DAB1: variants seen among roughly 807,000 people sequenced by gnomAD.
DAB1 encodes the protein DAB adaptor protein 1, also known as disabled homolog 1.
A neutral mutation model predicts 64.6 loss-of-function variants in DAB1; 15 were observed. That is an observed-to-expected ratio of 0.23 (90% CI 0.16 to 0.36). The LOEUF is 0.36. DAB1 is among the 10% of genes least tolerant of loss of function. DAB1 has a pLI of 1.00. For missense variants in DAB1, 596 were observed against 706.7 expected (o/e 0.84, Z 1.78); for synonymous variants, 235 against 251.9 (o/e 0.93, Z 0.64).
At chr1:58,483,490 T>C (rs1285331976) in intron 3 of DAB1, among the ~76,000 whole-genome samples, 1 of 152,016 alleles carries the variant, frequency 6.6e-6, no homozygotes, top group Non-Finnish European at 1.5e-5. Context: ...AGCTGGAGAG[T>C]TGAAAAAACA....
At chr1:57,238,841 GCA>G (rs373675306) in intron 2 of DAB1, among the ~76,000 whole-genome samples, 16,529 of 137,884 alleles carry the variant, frequency 0.12, 1,170 homozygotes, top group African/African-American at 0.21. Context: ...GTGCACATGC[GCA>G]CACACACACA....
At chr1:57,633,012 A>C (rs183009736) in intron 7 of DAB1, among the ~76,000 whole-genome samples, 1 of 152,366 alleles carries the variant, frequency 6.6e-6, no homozygotes, top group Admixed American at 6.5e-5. Flanking sequence ...TTTCTAAAGC[A>C]GACAGTAAGT....
At chr1:57,439,507 C>A (rs1685850914) in intron 7 of DAB1, among the ~76,000 whole-genome samples, 3 of 145,638 alleles carry the variant, frequency 2.1e-5, no homozygotes, top group Admixed American at 1.4e-4. Flanking sequence ...AGGCTCACTG[C>A]AAGCTCCACC....
chr1:58,089,503 A>T (rs1014472151), intron 5 of DAB1, among the ~76,000 whole-genome samples: 1 of 152,250 alleles, frequency 6.6e-6, no homozygotes, highest in Non-Finnish European at 1.5e-5. Flanking sequence ...TGGACCCTCA[A>T]TAAAAAGGTT....
chr1:57,934,249 G>A (rs927024979), intron 5 of DAB1, among the ~76,000 whole-genome samples: 39 of 152,064 alleles, frequency 2.6e-4, no homozygotes, highest in Admixed American at 7.9e-4. Context: ...TTAGCCATTT[G>A]GTGGGGAGAG....
intron 7 of DAB1, among the ~76,000 whole-genome samples, chr1:57,592,452 A>T (rs1645456802): frequency 6.6e-6 from 1 of 152,280 alleles, no homozygotes; most frequent in African/African-American, 2.4e-5. Context: ...AAAAAATGGA[A>T]ATATTATTCC....
intron 6 of DAB1, among the ~76,000 whole-genome samples, chr1:57,723,300 C>T (rs1570769089): frequency 1.3e-5 from 2 of 152,322 alleles, no homozygotes; most frequent in African/African-American, 4.8e-5. Context: ...TGAATACATG[C>T]TCAACAAATG....
chr1:57,502,156 TG>T (rs1644296317), intron 7 of DAB1, among the ~76,000 whole-genome samples: 2 of 151,364 alleles, frequency 1.3e-5, no homozygotes, highest in South Asian at 4.2e-4. Context: ...CCGTCTCTAC[TG>T]AAAAATACAA....
At chr1:57,106,616 C>A (rs1236961181) in intron 4 of DAB1, among the ~76,000 whole-genome samples, 1 of 152,160 alleles carries the variant, frequency 6.6e-6, no homozygotes, top group Non-Finnish European at 1.5e-5. Context: ...TCATATATCA[C>A]AAGGCCTTCA....
chr1:57,474,725 T>C (rs769135072), intron 7 of DAB1, among the ~76,000 whole-genome samples: 7 of 152,200 alleles, frequency 4.6e-5, no homozygotes, highest in African/African-American at 1.7e-4. Context: ...TTACAAAATA[T>C]TAGTTTTTAT....
chr1:57,453,340 G>A (rs891293335), intron 7 of DAB1, among the ~76,000 whole-genome samples: 2 of 152,138 alleles, frequency 1.3e-5, no homozygotes, highest in Admixed American at 6.5e-5. Flanking sequence ...CTGCTGAAGT[G>A]CTTTTAAATA....
intron 5 of DAB1, among the ~76,000 whole-genome samples, chr1:58,150,181 AG>A (rs1398105818): frequency 6.6e-6 from 1 of 152,226 alleles, no homozygotes; most frequent in Non-Finnish European, 1.5e-5. Context: ...CTTAATAGCC[AG>A]GAAGTTGCAG....
intron 4 of DAB1, among the ~76,000 whole-genome samples, chr1:58,256,002 C>T (rs1411405304): frequency 6.6e-6 from 1 of 152,186 alleles, no homozygotes; most frequent in Non-Finnish European, 1.5e-5. Flanking sequence ...GCCCCAGTGC[C>T]TGCGCTCTTT....
chr1:57,421,893 G>A (rs1349626122), intron 1 of DAB1, among the ~76,000 whole-genome samples: 2 of 119,592 alleles, frequency 1.7e-5, no homozygotes, highest in Non-Finnish European at 3.7e-5. Context: ...TGAAAGAGAT[G>A]GGGGGTGGCG....
intron 6 of DAB1, among the ~76,000 whole-genome samples, chr1:57,673,058 T>C (rs1037634961): frequency 2.0e-5 from 3 of 152,110 alleles, no homozygotes; most frequent in Admixed American, 6.6e-5. Context: ...TTATAAACAA[T>C]AGAAATTTAT....
At chr1:57,721,138 C>G (rs1327619954) in intron 6 of DAB1, among the ~76,000 whole-genome samples, 2 of 152,178 alleles carry the variant, frequency 1.3e-5, no homozygotes, top group African/African-American at 4.8e-5. Context: ...CTTCCTCAAG[C>G]AACTCCATCT....
intron 5 of DAB1, among the ~76,000 whole-genome samples, chr1:58,125,040 C>A (rs1021708643): frequency 6.6e-6 from 1 of 151,802 alleles, no homozygotes; most frequent in African/African-American, 2.4e-5. Context: ...GATTTTCTAA[C>A]TTTTCTGGGA....
intron 4 of DAB1, among the ~76,000 whole-genome samples, chr1:58,165,882 T>C (rs560946206): frequency 4.6e-5 from 7 of 152,360 alleles, no homozygotes; most frequent in African/African-American, 1.7e-4. Flanking sequence ...ACACATCTTA[T>C]GTGTGTGGCC....
At chr1:57,847,202 T>C (rs1051906062) in intron 1 of DAB1, among the ~76,000 whole-genome samples, 2 of 151,990 alleles carry the variant, frequency 1.3e-5, no homozygotes, top group African/African-American at 4.8e-5. Context: ...TCTGTCACTA[T>C]ATAAGCTCAG....
Sources: gnomAD v4.1 joint callset for allele counts (sites outside exome capture counted in the v4.1 genomes callset) on GRCh38, gnomAD v4.1.1 for gene constraint, MANE v1.5 for transcripts, NCBI Gene and HGNC (gene_info 2026-07-23, HGNC 2026-07-21) for gene names.